Variants in ZBTB20 observed in about 807,000 individuals in gnomAD.
ZBTB20 encodes the protein zinc finger and BTB domain-containing protein 20.
In ZBTB20, 9 loss-of-function variants were observed where a neutral mutation model predicts 56.9. That is an observed-to-expected ratio of 0.16 (90% CI 0.10 to 0.28). The LOEUF is 0.28. ZBTB20 is among the 10% of genes least tolerant of loss of function. The pLI is 1.00. For synonymous variants in ZBTB20, 417 were observed against 420.7 expected (o/e 0.99, Z 0.11); for missense variants, 655 against 1,003.0 (o/e 0.65, Z 4.69).
intron 6 of ZBTB20, among the ~76,000 whole-genome samples, chr3:114,667,970 T>C (rs1393885401): frequency 6.6e-6 from 1 of 151,964 alleles, no homozygotes; most frequent in East Asian, 1.9e-4. Context: ...TAAGACTCTG[T>C]CAACATTTCT....
chr3:114,523,260 T>C (rs1327140958), intron 6 of ZBTB20, among the ~76,000 whole-genome samples: 1 of 152,120 alleles, frequency 6.6e-6, no homozygotes, highest in African/African-American at 2.4e-5. Context: ...TTTAGCAACA[T>C]GGAAGTCATT....
At chr3:114,944,727 C>T (rs2076828756) in intron 3 of ZBTB20, among the ~76,000 whole-genome samples, 1 of 145,482 alleles carries the variant, frequency 6.9e-6, no homozygotes, top group South Asian at 2.1e-4. Context: ...ATAAGGCAGA[C>T]ACAGAAAGAC....
At chr3:114,868,579 A>G (rs546650745) in intron 4 of ZBTB20, among the ~76,000 whole-genome samples, 2 of 152,340 alleles carry the variant, frequency 1.3e-5, no homozygotes, top group East Asian at 3.9e-4. Context: ...GAGTACTCTC[A>G]ATAAACAGAA....
chr3:114,597,210 G>C (rs891210000), intron 6 of ZBTB20, among the ~76,000 whole-genome samples: 1 of 152,110 alleles, frequency 6.6e-6, no homozygotes, highest in African/African-American at 2.4e-5. Context: ...ACTGAAAGTA[G>C]TGACCCCTAG....
In ZBTB20 at chr3:114,782,497, T is replaced by C. The variant is rs189690276; in HGVS notation, c.-343+18604A>G. On this transcript the variant is annotated intron_variant, in intron 5 of 11. Transcript: ENST00000675478. Reference sequence around the variant, plus strand: ...ATGCTCTAAGTGAGCATGAAATATTTTTGAAGTTTATACATGTGTAAGTTT... The same window carrying C: ...ATGCTCTAAGTGAGCATGAAATATTCTTGAAGTTTATACATGTGTAAGTTT... 1.4e-3 allele frequency among the ~76,000 whole-genome samples: 217 copies of C among 152,312 alleles called. 1 individual carries two copies. Among genetic ancestry groups the C allele is most frequent in the African/African-American group, 5.0e-3 (207 of 41,574 alleles).
intron 1 of ZBTB20, among the ~76,000 whole-genome samples, chr3:115,133,005 C>T (rs570680512): frequency 9.1e-4 from 139 of 152,018 alleles, no homozygotes; most frequent in African/African-American, 3.2e-3. Context: ...TAATATACTT[C>T]GTAAGTGAAA....
chr3:114,518,320 A>G (rs2046258156), intron 6 of ZBTB20, among the ~76,000 whole-genome samples: 1 of 152,220 alleles, frequency 6.6e-6, no homozygotes, highest in Admixed American at 6.5e-5. Flanking sequence ...GGGGCCAAAA[A>G]TAGAAGAGAA....
At chr3:114,698,297 C>A (rs1425861552) in intron 5 of ZBTB20, among the ~76,000 whole-genome samples, 1 of 151,852 alleles carries the variant, frequency 6.6e-6, no homozygotes, top group Non-Finnish European at 1.5e-5. Context: ...AACAAAACAG[C>A]CCAATATAGG....
At chr3:114,869,719 C>T (rs2075909188) in intron 4 of ZBTB20, among the ~76,000 whole-genome samples, 1 of 152,174 alleles carries the variant, frequency 6.6e-6, no homozygotes, top group Admixed American at 6.5e-5. Flanking sequence ...TGTGTGAAAT[C>T]CCATCAGTGT....
At chr3:114,729,978 T>G (rs1159900361) in intron 5 of ZBTB20, among the ~76,000 whole-genome samples, 1 of 148,150 alleles carries the variant, frequency 6.7e-6, no homozygotes, top group Non-Finnish European at 1.5e-5. Context: ...TTTTTTTTTT[T>G]GTATAGACAG....
At chr3:114,547,140 C>CA (rs1267993984) in intron 6 of ZBTB20, among the ~76,000 whole-genome samples, 1 of 151,978 alleles carries the variant, frequency 6.6e-6, no homozygotes, top group Non-Finnish European at 1.5e-5. Context: ...AAAAGGAGGC[C>CA]AAGAAGGATA....
At chr3:114,462,101 AAAACACTTTAC>A (rs1314458345) in intron 7 of ZBTB20, among the ~76,000 whole-genome samples, 11 of 152,328 alleles carry the variant, frequency 7.2e-5, no homozygotes, top group Non-Finnish European at 1.5e-4. Flanking sequence ...CATGCATATG[AAAACACTTTAC>A]AACCTCAGGG....
At chr3:114,466,897 T>TA (rs145347492) in intron 7 of ZBTB20, among the ~76,000 whole-genome samples, 11 of 152,056 alleles carry the variant, frequency 7.2e-5, no homozygotes, top group East Asian at 1.9e-4. Flanking sequence ...AAAGCGTTGC[T>TA]AAAAAAAATC....
chr3:115,047,123 C>A (rs538109176), intron 2 of ZBTB20, among the ~76,000 whole-genome samples: 1 of 152,268 alleles, frequency 6.6e-6, no homozygotes, highest in South Asian at 2.1e-4. Context: ...ATCTTTGAGG[C>A]TGATTTACCA....
chr3:115,000,470 T>C (rs1355499428), intron 2 of ZBTB20, among the ~76,000 whole-genome samples: 1 of 151,574 alleles, frequency 6.6e-6, no homozygotes, highest in Non-Finnish European at 1.5e-5. Flanking sequence ...CTGTTTTCTT[T>C]TCCAGTAATA....
At chr3:114,352,818 A>C (rs1051742378) in intron 10 of ZBTB20, among the ~76,000 whole-genome samples, 1 of 152,216 alleles carries the variant, frequency 6.6e-6, no homozygotes, top group African/African-American at 2.4e-5. Context: ...TAATTAGGCC[A>C]GGATAGCAGG....
intron 6 of ZBTB20, among the ~76,000 whole-genome samples, chr3:114,679,523 A>G (rs760504363): frequency 5.9e-5 from 9 of 152,242 alleles, no homozygotes; most frequent in Non-Finnish European, 1.2e-4. Flanking sequence ...GCCAAAAAAC[A>G]TATGAAAAAA....
chr3:114,697,946 A>G (rs900991215), intron 5 of ZBTB20, among the ~76,000 whole-genome samples: 5 of 152,056 alleles, frequency 3.3e-5, no homozygotes, highest in African/African-American at 2.4e-5. Flanking sequence ...TTCCAATCCT[A>G]TTTCTAATAA....
chr3:114,380,345 G>T lies in ZBTB20; in HGVS notation c.71C>A (p.Pro24Gln). ...KASEENEITQPGGSSAKPGLP... is the reference protein window; with the variant it reads ...KASEENEITQQGGSSAKPGLP... ...GCCCGGCTTGGCGCTGGATCCACCC[G>T]GCTGAGTAATCTCATTCTCCTCAGA... The change falls in exon 10 of 12, where the codon CCG becomes CAG. Residue 24 changes from proline to glutamine, a missense_variant. Physicochemically the swap from Pro to Gln is moderately conservative, Grantham distance 76. This residue lies in a region of ZBTB20 where 79 missense variants were observed against 78.4 expected (regional missense o/e 1.01). Transcript: ENST00000675478. 6.5e-7 allele frequency: 1 copy of T among 1,537,138 alleles called. No homozygotes were observed. The highest frequency in any genetic ancestry group is 8.7e-7 in the Non-Finnish European group (1 of 1,146,862).
Sources: gnomAD v4.1 joint callset for allele counts (sites outside exome capture counted in the v4.1 genomes callset) on GRCh38, gnomAD v4.1.1 for gene constraint, gnomAD v4.1.1 regional missense constraint, MANE v1.5 for transcripts, NCBI Gene and HGNC (gene_info 2026-07-23, HGNC 2026-07-21) for gene names.